Variants in PARD3B observed in about 807,000 individuals in gnomAD.
PARD3B encodes the protein partitioning defective 3 homolog B.
A neutral mutation model predicts 130.2 loss-of-function variants in PARD3B; 103 were observed. The ratio of observed to expected loss-of-function variants is 0.79; its 90% CI spans 0.67 to 0.93. PARD3B has a LOEUF of 0.93. PARD3B is among the 40% of genes least tolerant of loss of function. The pLI is 0.00. For missense variants in PARD3B, 1,609 were observed against 1,499.2 expected (o/e 1.07, Z -1.21); for synonymous variants, 583 against 553.2 (o/e 1.05, Z -0.76).
intron 18 of PARD3B, among the ~76,000 whole-genome samples, chr2:205,346,172 AAAATAAATAAATAAATAAAT>A (rs57934121): frequency 1.1e-4 from 14 of 132,310 alleles, no homozygotes; most frequent in East Asian, 7.0e-4. Flanking sequence ...ACTCCGTCTC[AAAATAAATAAATAAATAAAT>A]AAATAAATAA....
intron 11 of PARD3B, among the ~76,000 whole-genome samples, chr2:205,168,790 G>C (rs533861058): frequency 6.6e-6 from 1 of 150,376 alleles, no homozygotes; most frequent in African/African-American, 2.5e-5. Context: ...GTAGCATATT[G>C]TCCTCTCTGG....
In PARD3B at chr2:205,478,799, C is replaced by T. The variant is rs139260970; in HGVS notation, c.3045-21097C>T. Among the ~76,000 whole-genome samples, 1,418 of 152,190 alleles carry T rather than the reference C, an allele frequency of 9.3e-3. 23 individuals carry two copies. The highest frequency in any genetic ancestry group is 0.032 in the African/African-American group (1,337 of 41,518). ...TGAGCTTGGACGTTCTCACAGTTTCCGGACAGTTTCATCTAGAAATGTGCA... is the reference window on the plus strand; with the variant it reads ...TGAGCTTGGACGTTCTCACAGTTTCTGGACAGTTTCATCTAGAAATGTGCA... On this transcript the variant is annotated intron_variant, in intron 20 of 22. Transcript: ENST00000406610.
chr2:205,014,017 C>T (rs1313623839), intron 3 of PARD3B, among the ~76,000 whole-genome samples: 3 of 152,194 alleles, frequency 2.0e-5, no homozygotes, highest in African/African-American at 7.2e-5. Context: ...GACAGCCCAC[C>T]TGCCAGCTCT....
rs528145139 is a variant in PARD3B, at chr2:205,208,995, C to T, written c.2140+15675C>T. On this transcript the variant is annotated intron_variant, in intron 15 of 22. Transcript: ENST00000406610. Reference sequence around the variant, plus strand: ...TACTACAAGGCTACAGTAACCAAAACAGCATGGTACTGGTACCAAAACAGA... The same window carrying T: ...TACTACAAGGCTACAGTAACCAAAATAGCATGGTACTGGTACCAAAACAGA... Among the ~76,000 whole-genome samples the T allele has an allele frequency of 1.2e-3, 152 of 126,490 alleles. 3 individuals carry two copies. Among genetic ancestry groups the T allele is most frequent in the African/African-American group, 4.8e-3 (146 of 30,420 alleles). 83.0% of individuals were successfully genotyped at this position (126,490 alleles called of 152,430 possible). A position where few individuals can be genotyped will look rare whatever the true frequency, so the allele number is the denominator to read the frequency against.
chr2:205,057,581 G>A (rs575890829), intron 4 of PARD3B, among the ~76,000 whole-genome samples: 1 of 139,366 alleles, frequency 7.2e-6, no homozygotes, highest in South Asian at 2.2e-4. Flanking sequence ...ATATGTGTAT[G>A]TGTATACGTA....
chr2:204,694,664 G>A (rs567747541), intron 2 of PARD3B, among the ~76,000 whole-genome samples: 3 of 152,144 alleles, frequency 2.0e-5, no homozygotes, highest in East Asian at 3.9e-4. Context: ...CAATGCCTTT[G>A]TGACCTTACT....
intron 1 of PARD3B, among the ~76,000 whole-genome samples, chr2:204,561,881 G>A (rs562029645): frequency 3.4e-4 from 52 of 152,106 alleles, no homozygotes; most frequent in Non-Finnish European, 7.1e-4. Flanking sequence ...ACAGGCGTGA[G>A]TCACCGCGCC....
At position 205,514,531 on chromosome 2, in the gene PARD3B, C is replaced by T. The variant is rs115985071; in HGVS notation, c.3180+14500C>T. ...TTATTAATAAATCTTATCTGAAACACATAATGAATGGCACATAGTTTGCTT... is the reference window on the plus strand; with the variant it reads ...TTATTAATAAATCTTATCTGAAACATATAATGAATGGCACATAGTTTGCTT... On this transcript the variant is annotated intron_variant, in intron 21 of 22. Transcript: ENST00000406610. Among the ~76,000 whole-genome samples, 566 of 152,138 alleles carry T rather than the reference C, an allele frequency of 3.7e-3. 1 individual carries two copies. Among genetic ancestry groups the T allele is most frequent in the Non-Finnish European group, 6.1e-3 (413 of 67,972 alleles).
At chr2:205,328,820 T>C (rs1175301451) in intron 18 of PARD3B, among the ~76,000 whole-genome samples, 1 of 152,220 alleles carries the variant, frequency 6.6e-6, no homozygotes, top group Admixed American at 6.5e-5. Context: ...CCATATCATA[T>C]GTCTTCTAAA....
At chr2:205,435,130 G>A (rs2047468276) in intron 19 of PARD3B, among the ~76,000 whole-genome samples, 1 of 151,746 alleles carries the variant, frequency 6.6e-6, no homozygotes, top group South Asian at 2.1e-4. Context: ...AAGGTATAAA[G>A]GCTACCTCTA....
At chr2:205,532,684 G>A (rs2051654663) in intron 21 of PARD3B, among the ~76,000 whole-genome samples, 1 of 152,096 alleles carries the variant, frequency 6.6e-6, no homozygotes, top group Non-Finnish European at 1.5e-5. Context: ...GATCAGGAGG[G>A]CAAAATCTGA....
In PARD3B at chr2:204,841,261, G is replaced by T. The variant is rs188817520; in HGVS notation, c.223-123891G>T. On this transcript the variant is annotated intron_variant, in intron 2 of 22. Transcript: ENST00000406610. Reference sequence around the variant, plus strand: ...TGCATGGAAGCTCCAAAACAGAGTGGAATGGAAAATTATAGCCTCAAGGGT... The same window carrying T: ...TGCATGGAAGCTCCAAAACAGAGTGTAATGGAAAATTATAGCCTCAAGGGT... Among the ~76,000 whole-genome samples, 110 of 152,208 alleles carry T rather than the reference G, an allele frequency of 7.2e-4. No homozygotes were observed. The Middle Eastern group carries it at 0.014, about 19-fold the overall frequency.
intron 22 of PARD3B, among the ~76,000 whole-genome samples, chr2:205,570,520 A>G (rs1252613004): frequency 1.3e-5 from 2 of 152,198 alleles, no homozygotes; most frequent in East Asian, 3.9e-4. Context: ...AAGAAACCTT[A>G]TTATGGTCTA....
intron 6 of PARD3B, 82 bp downstream of exon 6, chr2:205,113,659 G>A (rs1331433946): frequency 9.9e-7 from 1 of 1,008,554 alleles, no homozygotes; most frequent in Non-Finnish European, 1.5e-6. Flanking sequence ...TTTTCACAAG[G>A]AGATTAAATG....
intron 2 of PARD3B, among the ~76,000 whole-genome samples, chr2:204,806,305 G>C (rs2042766641): frequency 6.6e-6 from 1 of 152,036 alleles, no homozygotes; most frequent in Admixed American, 6.6e-5. Flanking sequence ...TAGACCAATG[G>C]AACAGAATAG....
At chr2:204,569,660 G>C (rs1020279651) in intron 1 of PARD3B, among the ~76,000 whole-genome samples, 1 of 152,176 alleles carries the variant, frequency 6.6e-6, no homozygotes, top group Non-Finnish European at 1.5e-5. Flanking sequence ...ACTAAAAATT[G>C]TTTGAGAGAA....
At chr2:204,557,974 TA>T (rs1052249512) in intron 1 of PARD3B, 10 of 152,222 alleles carry the variant, frequency 6.6e-5, no homozygotes, top group Admixed American at 4.6e-4. Context: ...ATGTTGATTT[TA>T]AAATTATCTG....
At chr2:204,809,040 C>A (rs2042871338) in intron 2 of PARD3B, among the ~76,000 whole-genome samples, 1 of 151,994 alleles carries the variant, frequency 6.6e-6, no homozygotes, top group Non-Finnish European at 1.5e-5. Flanking sequence ...TGATGATGAG[C>A]TTTTTTTCAT....
At chr2:205,424,275 GA>G (rs2047069733) in intron 19 of PARD3B, among the ~76,000 whole-genome samples, 1 of 152,120 alleles carries the variant, frequency 6.6e-6, no homozygotes, top group South Asian at 2.1e-4. Flanking sequence ...CCTCAGGTAT[GA>G]AGGGTCTGTG....
Sources: gnomAD v4.1 joint callset for allele counts (sites outside exome capture counted in the v4.1 genomes callset) on GRCh38, gnomAD v4.1.1 for gene constraint, MANE v1.5 for transcripts, NCBI Gene and HGNC (gene_info 2026-07-23, HGNC 2026-07-21) for gene names.